CDK13: variants seen among roughly 807,000 people sequenced by gnomAD.
CDK13 encodes the protein cyclin-dependent kinase 13.
Under a neutral mutation model 137.6 loss-of-function variants are expected in CDK13, and 40 were observed. That is an observed-to-expected ratio of 0.29 (90% CI 0.23 to 0.38). The LOEUF (loss-of-function observed/expected upper bound fraction) is 0.38. Among genes scored for constraint, CDK13 ranks in the 10% least tolerant of loss-of-function variants. CDK13 has a pLI of 1.00. For synonymous variants in CDK13, 869 were observed against 760.1 expected (o/e 1.14, Z -2.36); for missense variants, 1,704 against 1,951.8 (o/e 0.87, Z 2.39).
chr7:40,089,783 ATAGAC>A lies in CDK13; in HGVS notation c.3235+1456_3235+1460del, dbSNP rs1253197973. Among the ~76,000 whole-genome samples, 6 of 152,062 alleles carry A rather than the reference ATAGAC, an allele frequency of 3.9e-5. No homozygotes were observed. In the South Asian group the frequency reaches 1.0e-3, roughly 26 times the overall value. Reference sequence around the variant, plus strand: ...GTGGTGGCTTATTAAACATGAAAAAATAGACTAGCACTTCTTAAGAGATGAGTATA... The same window carrying A: ...GTGGTGGCTTATTAAACATGAAAAAATAGCACTTCTTAAGAGATGAGTATA... On this transcript the variant is annotated intron_variant, in intron 12 of 13. Coordinates refer to ENST00000181839, the MANE Select transcript of CDK13 (RefSeq NM_003718.5).
chr7:39,957,927 TTTG>T (rs1246813154), intron 1 of CDK13, among the ~76,000 whole-genome samples: 7 of 152,176 alleles, frequency 4.6e-5, no homozygotes, highest in East Asian at 1.9e-4. Context: ...TGAATATCAT[TTTG>T]TTGTTGTTAT....
chr7:40,084,797 C>T (rs1325891357), intron 11 of CDK13, among the ~76,000 whole-genome samples: 1 of 152,142 alleles, frequency 6.6e-6, no homozygotes, highest in Non-Finnish European at 1.5e-5. Context: ...TACAGTACTA[C>T]CCCATGAGGT....
At chr7:40,036,392 C>T (rs1785483924) in intron 5 of CDK13, among the ~76,000 whole-genome samples, 1 of 151,852 alleles carries the variant, frequency 6.6e-6, no homozygotes, top group Non-Finnish European at 1.5e-5. Flanking sequence ...GCCAACATGG[C>T]GAAACCCTGT....
At chr7:39,982,350 A>C (rs966109691) in intron 1 of CDK13, among the ~76,000 whole-genome samples, 65 of 152,108 alleles carry the variant, frequency 4.3e-4, no homozygotes, top group African/African-American at 1.6e-3. Flanking sequence ...TGAACTCATC[A>C]TTTTTTATGG....
chr7:40,046,809 C>G (rs1785752158), intron 6 of CDK13, among the ~76,000 whole-genome samples: 1 of 151,844 alleles, frequency 6.6e-6, no homozygotes, highest in Non-Finnish European at 1.5e-5. Flanking sequence ...CAAGACCAGC[C>G]TGGCCAACAT....
intron 9 of CDK13, among the ~76,000 whole-genome samples, chr7:40,076,530 T>C (rs560215729): frequency 6.6e-6 from 1 of 152,228 alleles, no homozygotes; most frequent in South Asian, 2.1e-4. Context: ...CTACAGGAGT[T>C]GGGCTTTCTT....
chr7:39,968,445 C>G (rs1348076592), intron 1 of CDK13, among the ~76,000 whole-genome samples: 1 of 152,094 alleles, frequency 6.6e-6, no homozygotes, highest in African/African-American at 2.4e-5. Context: ...GCTGTGTTGC[C>G]AAGGCTGGTC....
In CDK13 at chr7:40,098,178, A is replaced by C. The variant is rs995913052; in HGVS notation, c.*3198A>C. 3 of 152,148 alleles carry C rather than the reference A, an allele frequency of 2.0e-5. No individual in the cohort carries two copies. The highest frequency in any genetic ancestry group is 3.9e-4 in the East Asian group (2 of 5,194). The allele number at this position is 152,148 out of a possible 1,614,324, so 9.4% of individuals were successfully genotyped here. A position where few individuals can be genotyped will look rare whatever the true frequency, so the allele number is the denominator to read the frequency against. On this transcript the variant is annotated 3_prime_UTR_variant, in exon 14 of 14. Coordinates refer to ENST00000181839, the MANE Select transcript of CDK13 (RefSeq NM_003718.5). ...TGGAATAGCTGTTTGATATCACTTAAAAGTGATAAAATTTTAAGTTGAATC... is the reference window on the plus strand; with the variant it reads ...TGGAATAGCTGTTTGATATCACTTACAAGTGATAAAATTTTAAGTTGAATC...
chr7:40,023,588 C>T (rs1396709712), intron 5 of CDK13, among the ~76,000 whole-genome samples: 1 of 151,966 alleles, frequency 6.6e-6, no homozygotes, highest in Non-Finnish European at 1.5e-5. Flanking sequence ...CAAGCTCCGC[C>T]TCCTGGGTTC....
chr7:40,011,430 TATG>T (rs1281269871), intron 5 of CDK13, among the ~76,000 whole-genome samples: 1 of 152,204 alleles, frequency 6.6e-6, no homozygotes, highest in Non-Finnish European at 1.5e-5. Context: ...GTACTGGCAT[TATG>T]ATAAACGTAT....
intron 7 of CDK13, 38 bp from the exon 8 acceptor site, chr7:40,062,788 A>T (rs1786183370): frequency 7.1e-7 from 1 of 1,400,748 alleles, no homozygotes; most frequent in African/African-American, 1.4e-5. Context: ...TTACTCCAAC[A>T]AATACTAACT....
intron 2 of CDK13, among the ~76,000 whole-genome samples, chr7:39,995,133 G>A (rs1162090570): frequency 6.6e-6 from 1 of 151,922 alleles, no homozygotes; most frequent in African/African-American, 2.4e-5. Flanking sequence ...GGGGTGTATA[G>A]AAGTGTTTTT....
chr7:40,062,646 C>T (rs370841885), intron 7 of CDK13, 180 bp from the exon 8 acceptor site: 18 of 594,936 alleles, frequency 3.0e-5, no homozygotes, highest in Admixed American at 2.4e-4. Flanking sequence ...ACAGGTTGCC[C>T]TCACATACAT....
chr7:39,976,315 T>TCACACACACACACA (rs1263912236), intron 1 of CDK13, among the ~76,000 whole-genome samples: 3 of 68,614 alleles, frequency 4.4e-5, no homozygotes, highest in African/African-American at 4.0e-5. Flanking sequence ...TCTCTCTCTC[T>TCACACACACACACA]CTCTCTCTCA....
chr7:39,991,679 G>T (rs192011114), intron 2 of CDK13, among the ~76,000 whole-genome samples: 1 of 152,124 alleles, frequency 6.6e-6, no homozygotes, highest in African/African-American at 2.4e-5. Context: ...ATTAGCATCT[G>T]TGTAACTACT....
chr7:40,080,348 A>G (rs1158468186), intron 11 of CDK13, among the ~76,000 whole-genome samples: 2 of 152,192 alleles, frequency 1.3e-5, no homozygotes, highest in African/African-American at 2.4e-5. Flanking sequence ...ATTATCTATA[A>G]TAATAAAATG....
chr7:40,029,301 G>A (rs1474374905), intron 5 of CDK13, among the ~76,000 whole-genome samples: 3 of 152,070 alleles, frequency 2.0e-5, no homozygotes, highest in East Asian at 3.9e-4. Flanking sequence ...GGTGATGGAC[G>A]CCTGTAGCCC....
At chr7:39,964,814 G>A (rs1355074500) in intron 1 of CDK13, among the ~76,000 whole-genome samples, 1 of 151,962 alleles carries the variant, frequency 6.6e-6, no homozygotes, top group Admixed American at 6.6e-5. Context: ...AGAGATTCTG[G>A]TATGTTGTGT....
At position 39,950,377 on chromosome 7, in the gene CDK13, T is replaced by C. The variant is rs1787104083; in HGVS notation, c.-265T>C. The stretch of plus-strand genomic sequence containing the variant: ...CGCCCGGCGCATCTGGTGTTTTCGC[T>C]GCCGAGGATAGGACGACGAGCGCAA... On this transcript the variant is annotated 5_prime_UTR_variant, in exon 1 of 14. Transcript: ENST00000181839. 2.2e-5 allele frequency: 27 copies of C among 1,214,966 alleles called. No individual in the cohort carries two copies. Among genetic ancestry groups the C allele is most frequent in the Non-Finnish European group, 2.7e-5 (26 of 977,440 alleles). 75.3% of individuals were successfully genotyped at this position (1,214,966 alleles called of 1,614,324 possible).
Sources: allele counts gnomAD v4.1 joint callset (sites outside exome capture counted in the v4.1 genomes callset), GRCh38; gene constraint gnomAD v4.1.1; transcripts MANE v1.5; gene names NCBI Gene and HGNC (gene_info 2026-07-23, HGNC 2026-07-21).